SLC35F3: variants seen among roughly 807,000 people sequenced by gnomAD.
SLC35F3 encodes putative thiamine transporter SLC35F3.
Under a neutral mutation model 49.9 loss-of-function variants are expected in SLC35F3, and 25 were observed. The ratio of observed to expected loss-of-function variants is 0.50; its 90% CI spans 0.37 to 0.70. SLC35F3 has a LOEUF of 0.70. Among genes scored for constraint, SLC35F3 ranks in the 30% least tolerant of loss-of-function variants. The pLI, the probability that SLC35F3 is intolerant of heterozygous loss-of-function variation, is 0.00. For synonymous variants in SLC35F3, 275 were observed against 265.4 expected, an observed-to-expected ratio of 1.04 and a Z score of -0.35; for missense variants, 525 against 639.8, an observed-to-expected ratio of 0.82 and a Z score of 1.94.
chr1:234,197,826 G>T (rs938676716), intron 2 of SLC35F3, among the ~76,000 whole-genome samples: 2 of 152,226 alleles, frequency 1.3e-5, no homozygotes, highest in Non-Finnish European at 2.9e-5. Flanking sequence ...CCAGCATCAG[G>T]TTGTAATGTG....
At chr1:234,138,130 C>A (rs1377063648) in intron 2 of SLC35F3, among the ~76,000 whole-genome samples, 1 of 152,172 alleles carries the variant, frequency 6.6e-6, no homozygotes, top group Non-Finnish European at 1.5e-5. Flanking sequence ...ACCTGAAGTT[C>A]AGTTTCAACA....
chr1:234,182,654 A>G (rs1365471822), intron 2 of SLC35F3, among the ~76,000 whole-genome samples: 1 of 152,230 alleles, frequency 6.6e-6, no homozygotes, highest in Non-Finnish European at 1.5e-5. Flanking sequence ...ATTCCTCTTT[A>G]TAGGGGTTGT....
chr1:234,214,236 C>T lies in SLC35F3; in HGVS notation c.284-17181C>T. 5 of 1,226,528 alleles carry T rather than the reference C, an allele frequency of 4.1e-6. No homozygotes were observed. Among genetic ancestry groups the T allele is most frequent in the Non-Finnish European group, 5.1e-6 (5 of 984,284 alleles). 76.0% of individuals were successfully genotyped at this position (1,226,528 alleles called of 1,614,324 possible). The stretch of plus-strand genomic sequence containing the variant: ...GTGACGTTGGAGTTTGCAGCAACCT[C>T]CAAGTAGGAGGCTGTGCGCGCGTGT... On this transcript the variant is annotated intron_variant, in intron 2 of 7. Transcript: ENST00000366618. This position sits in a 1 kb window ranked among gnomAD's most constrained non-coding sequence, Gnocchi z 8.0.
rs147906764 is a variant in SLC35F3 at position 234,272,102 on chromosome 1, G to C, written c.609-36999G>C. ...GATCATGCCATTGCACTCCAGCCTG[G>C]GCAACAGAGCGAGACTCTGTCTCAA... On this transcript the variant is annotated intron_variant, in intron 3 of 7. Coordinates refer to ENST00000366618, the MANE Select transcript of SLC35F3 (RefSeq NM_173508.4). Among the ~76,000 whole-genome samples, 415 of 152,192 alleles carry C rather than the reference G, an allele frequency of 2.7e-3. 16 individuals are homozygous for C. In the East Asian group the frequency reaches 0.065, roughly 24 times the overall value.
At chr1:234,077,247 A>G (rs557109326) in intron 2 of SLC35F3, among the ~76,000 whole-genome samples, 1 of 148,746 alleles carries the variant, frequency 6.7e-6, no homozygotes, top group East Asian at 2.0e-4. Context: ...CTCATGATCC[A>G]CCCGCCTCGG....
chr1:234,059,345 A>G (rs1441383733), intron 2 of SLC35F3, among the ~76,000 whole-genome samples: 2 of 142,030 alleles, frequency 1.4e-5, no homozygotes, highest in African/African-American at 5.3e-5. Context: ...TGCACTCCAC[A>G]TATTTTTTTT....
chr1:234,106,890 T>A (rs1332815284), intron 2 of SLC35F3, among the ~76,000 whole-genome samples: 1 of 152,178 alleles, frequency 6.6e-6, no homozygotes, highest in African/African-American at 2.4e-5. Flanking sequence ...TTGATAACAA[T>A]AAGGATCCAC....
intron 2 of SLC35F3, among the ~76,000 whole-genome samples, chr1:234,108,340 TAAAAGA>T (rs1665322033): frequency 1.7e-5 from 2 of 115,974 alleles, no homozygotes; most frequent in African/African-American, 6.3e-5. Flanking sequence ...TTTATATATA[TAAAAGA>T]TATATATTTA....
At chr1:234,019,058 G>A (rs1663851672) in intron 2 of SLC35F3, among the ~76,000 whole-genome samples, 1 of 152,204 alleles carries the variant, frequency 6.6e-6, no homozygotes, top group African/African-American at 2.4e-5. Flanking sequence ...GATTGACTTG[G>A]CCCAGAGGAT....
chr1:233,997,089 G>A (rs183425877), intron 2 of SLC35F3, among the ~76,000 whole-genome samples: 94 of 152,204 alleles, frequency 6.2e-4, no homozygotes, highest in East Asian at 1.9e-3. Flanking sequence ...CAGGATTTCC[G>A]TCTTTTTTCA....
At chr1:234,074,937 C>T (rs1417296380) in intron 2 of SLC35F3, among the ~76,000 whole-genome samples, 1 of 152,072 alleles carries the variant, frequency 6.6e-6, no homozygotes, top group Admixed American at 6.6e-5. Context: ...CAACTAAAGG[C>T]GTTGATCAAG....
At chr1:233,961,647 G>T (rs1293974703) in intron 2 of SLC35F3, among the ~76,000 whole-genome samples, 1 of 151,822 alleles carries the variant, frequency 6.6e-6, no homozygotes, top group African/African-American at 2.4e-5. Context: ...GTAGAGATGG[G>T]GTTTCACCAT....
chr1:234,073,536 A>G (rs928426720), intron 2 of SLC35F3, among the ~76,000 whole-genome samples: 4 of 152,202 alleles, frequency 2.6e-5, no homozygotes, highest in Admixed American at 2.6e-4. Context: ...AGCAGCAGCC[A>G]TTGCTGTTGG....
At chr1:234,022,052 C>T (rs1443783408) in intron 2 of SLC35F3, among the ~76,000 whole-genome samples, 3 of 152,120 alleles carry the variant, frequency 2.0e-5, no homozygotes, top group Non-Finnish European at 4.4e-5. Flanking sequence ...TCATTATTCT[C>T]AAAAAGGTCA....
At chr1:234,205,709 C>T (rs552591240) in intron 2 of SLC35F3, among the ~76,000 whole-genome samples, 1 of 152,322 alleles carries the variant, frequency 6.6e-6, no homozygotes, top group Admixed American at 6.5e-5. Flanking sequence ...TGGAGAGAAG[C>T]GTGCACCAAT....
intron 2 of SLC35F3, among the ~76,000 whole-genome samples, chr1:233,940,369 C>CAGAGAG (rs10579621): frequency 6.8e-6 from 1 of 146,868 alleles, no homozygotes; most frequent in African/African-American, 2.5e-5. Context: ...CACACACACA[C>CAGAGAG]AGAGAGAGAG....
intron 3 of SLC35F3, among the ~76,000 whole-genome samples, chr1:234,264,138 G>A (rs1667946599): frequency 6.6e-6 from 1 of 152,090 alleles, no homozygotes; most frequent in South Asian, 2.1e-4. Flanking sequence ...GCCATAAATT[G>A]GGAGGAAATG....
chr1:234,017,748 G>A (rs945881272), intron 2 of SLC35F3, among the ~76,000 whole-genome samples: 2 of 147,444 alleles, frequency 1.4e-5, no homozygotes, highest in African/African-American at 5.0e-5. Flanking sequence ...ACCTTGCTTA[G>A]TATTGGTGCA....
intron 2 of SLC35F3, among the ~76,000 whole-genome samples, chr1:234,069,150 TTA>T (rs1558220600): frequency 7.3e-6 from 1 of 136,616 alleles, no homozygotes; most frequent in East Asian, 2.0e-4. Context: ...TATAATATAT[TTA>T]TAGACAATAA....
Sources: allele counts gnomAD v4.1 joint callset (sites outside exome capture counted in the v4.1 genomes callset), GRCh38; gene constraint gnomAD v4.1.1; non-coding constraint Gnocchi (gnomAD v3.1); transcripts MANE v1.5; gene names NCBI Gene and HGNC (gene_info 2026-07-23, HGNC 2026-07-21).